The following TANGO6 variants were observed in gnomAD, a reference collection of about 807,000 sequenced individuals.
TANGO6 encodes the protein transport and golgi organization 6 homolog.
Under a neutral mutation model 114.2 loss-of-function variants are expected in TANGO6, and 90 were observed. The ratio of observed to expected loss-of-function variants is 0.79; its 90% CI spans 0.66 to 0.94. TANGO6 has a LOEUF of 0.94. Among genes scored for constraint, TANGO6 ranks in the 40% least tolerant of loss-of-function variants. The probability of loss-of-function intolerance (pLI) is 0.00; values close to 1 mark genes in which losing one functional copy is unlikely to be tolerated. For synonymous variants in TANGO6, 477 were observed against 509.8 expected, an observed-to-expected ratio of 0.94 and a Z score of 0.87; for missense variants, 1,274 against 1,315.3, an observed-to-expected ratio of 0.97 and a Z score of 0.49.
chr16:69,055,376 C>G (rs554450357), intron 17 of TANGO6, among the ~76,000 whole-genome samples: 1 of 152,212 alleles, frequency 6.6e-6, no homozygotes, highest in East Asian at 1.9e-4. Flanking sequence ...ATTTCACCTT[C>G]AGTCCCCTGT....
At chr16:68,926,537 C>CT (rs1442303935) in intron 12 of TANGO6, among the ~76,000 whole-genome samples, 2 of 149,368 alleles carry the variant, frequency 1.3e-5, no homozygotes, top group Non-Finnish European at 1.5e-5. Context: ...ATTTTTTTTT[C>CT]TTTTTTTTGA....
intron 11 of TANGO6, among the ~76,000 whole-genome samples, chr16:68,915,768 C>T (rs1187908807): frequency 6.6e-6 from 1 of 152,144 alleles, no homozygotes; most frequent in African/African-American, 2.4e-5. Flanking sequence ...TTCTAGTTTC[C>T]TGCGTTGCTT....
chr16:69,002,700 T>A (rs1964054893), intron 15 of TANGO6, among the ~76,000 whole-genome samples: 2 of 151,978 alleles, frequency 1.3e-5, no homozygotes, highest in South Asian at 4.2e-4. Context: ...ATACGTTGGG[T>A]ATCTGTTTTT....
At chr16:68,937,717 A>C (rs892652328) in intron 14 of TANGO6, 1 of 152,056 alleles carries the variant, frequency 6.6e-6, no homozygotes, top group African/African-American at 2.4e-5. Context: ...TTATGACTTC[A>C]TTCCTTTTTA....
chr16:69,022,426 A>G (rs1339409634), intron 15 of TANGO6, among the ~76,000 whole-genome samples: 1 of 152,180 alleles, frequency 6.6e-6, no homozygotes, highest in Non-Finnish European at 1.5e-5. Flanking sequence ...GACATTGGTC[A>G]TGTACGGTGA....
chr16:69,052,938 A>G (rs773650573), intron 17 of TANGO6, among the ~76,000 whole-genome samples: 3 of 152,034 alleles, frequency 2.0e-5, no homozygotes, highest in Non-Finnish European at 4.4e-5. Flanking sequence ...GAGAAACCTC[A>G]TCTCTCCTAA....
chr16:68,967,646 T>A (rs1484758708), intron 14 of TANGO6, among the ~76,000 whole-genome samples: 1 of 152,184 alleles, frequency 6.6e-6, no homozygotes, highest in Non-Finnish European at 1.5e-5. Context: ...TTATACAATG[T>A]GTGGGTTTTT....
intron 17 of TANGO6, among the ~76,000 whole-genome samples, chr16:69,076,532 T>C (rs1960381984): frequency 6.6e-6 from 1 of 152,144 alleles, no homozygotes; most frequent in Admixed American, 6.6e-5. Context: ...AACAAGGAAG[T>C]GAATGAGTAA....
At chr16:68,984,462 T>C (rs549525780) in intron 15 of TANGO6, among the ~76,000 whole-genome samples, 2 of 152,286 alleles carry the variant, frequency 1.3e-5, no homozygotes, top group East Asian at 1.9e-4. Context: ...ATTACTGATA[T>C]AATAAGGGGA....
At chr16:69,017,936 C>G (rs117606985) in intron 15 of TANGO6, among the ~76,000 whole-genome samples, 1 of 150,122 alleles carries the variant, frequency 6.7e-6, no homozygotes, top group East Asian at 2.0e-4. Context: ...AGAGTCTCAC[C>G]CTTGTTGCCC....
chr16:68,933,187 G>A (rs1309065889), intron 14 of TANGO6, among the ~76,000 whole-genome samples: 2 of 152,186 alleles, frequency 1.3e-5, no homozygotes, highest in Non-Finnish European at 2.9e-5. Context: ...GGCCGAGGTG[G>A]TTGGATCACC....
chr16:68,853,008 G>C (rs959694472), intron 1 of TANGO6, among the ~76,000 whole-genome samples: 2 of 152,054 alleles, frequency 1.3e-5, no homozygotes, highest in Non-Finnish European at 2.9e-5. Flanking sequence ...GTAAGTTGCA[G>C]ATATCAGTAC....
chr16:68,871,559 C>G lies in TANGO6; in HGVS notation c.995-3595C>G, dbSNP rs1252987625. ...ATGTTTACTGTTGTCCTGCCAATTA[C>G]TAATGCTCTTTTTGTGTGTGTCTTC... On this transcript the variant is annotated intron_variant, in intron 4 of 17. Coordinates refer to ENST00000261778, the MANE Select transcript of TANGO6 (RefSeq NM_024562.2). Among the ~76,000 whole-genome samples the G allele has an allele frequency of 2.6e-5, 4 of 152,132 alleles. No individual in the cohort carries two copies. The South Asian group carries it at 6.2e-4, about 24-fold the overall frequency.
At chr16:68,935,017 AGTTTGGACTAATTGAT>A (rs1196042020) in intron 14 of TANGO6, among the ~76,000 whole-genome samples, 4 of 152,230 alleles carry the variant, frequency 2.6e-5, no homozygotes, top group Non-Finnish European at 4.4e-5. Context: ...ATGATGGACA[AGTTTGGACTAATTGAT>A]GTTTTTGGTG....
At chr16:68,975,639 C>T (rs1963758451) in intron 15 of TANGO6, among the ~76,000 whole-genome samples, 1 of 151,820 alleles carries the variant, frequency 6.6e-6, no homozygotes, top group African/African-American at 2.4e-5. Context: ...CTTACTGCAG[C>T]CTGAACCTCC....
At chr16:68,964,110 AT>A (rs1252355043) in intron 14 of TANGO6, among the ~76,000 whole-genome samples, 1 of 152,014 alleles carries the variant, frequency 6.6e-6, no homozygotes, top group Non-Finnish European at 1.5e-5. Context: ...TTTATCACAG[AT>A]TTTTTAAAAC....
chr16:69,036,479 A>G (rs1233226993), intron 16 of TANGO6, among the ~76,000 whole-genome samples: 2 of 152,118 alleles, frequency 1.3e-5, no homozygotes, highest in Non-Finnish European at 2.9e-5. Context: ...AAGTTTCCCA[A>G]ATGCTCTTCT....
At chr16:68,914,367 G>A (rs1288235716) in intron 11 of TANGO6, among the ~76,000 whole-genome samples, 1 of 152,108 alleles carries the variant, frequency 6.6e-6, no homozygotes, top group African/African-American at 2.4e-5. Context: ...TCTCCATGCT[G>A]GTCAGGCTGG....
intron 11 of TANGO6, among the ~76,000 whole-genome samples, chr16:68,914,423 A>C (rs529149512): frequency 1.3e-5 from 2 of 152,286 alleles, no homozygotes; most frequent in South Asian, 2.1e-4. Flanking sequence ...TGGCCTCCCA[A>C]AGTGCTGGGA....
Sources: allele counts gnomAD v4.1 joint callset (sites outside exome capture counted in the v4.1 genomes callset), GRCh38; gene constraint gnomAD v4.1.1; transcripts MANE v1.5; gene names NCBI Gene and HGNC (gene_info 2026-07-23, HGNC 2026-07-21).